The following FIP1L1 variants were observed in gnomAD, a reference collection of about 807,000 sequenced individuals.
FIP1L1 encodes the protein factor interacting with PAPOLA and CPSF1, also known as pre-mRNA 3'-end-processing factor FIP1.
A neutral mutation model predicts 84.6 loss-of-function variants in FIP1L1; 21 were observed. That is an observed-to-expected ratio of 0.25 (90% CI 0.18 to 0.36). FIP1L1 has a LOEUF of 0.36. Ranked by LOEUF, FIP1L1 falls within the 10% of genes least tolerant of loss-of-function variation. FIP1L1 has a pLI of 1.00. For missense variants in FIP1L1, 526 were observed against 751.1 expected, an observed-to-expected ratio of 0.70 and a Z score of 3.50; for synonymous variants, 263 against 242.3, an observed-to-expected ratio of 1.09 and a Z score of -0.80.
At chr4:53,458,461 G>A in intron 16 of FIP1L1, 192 bp from the exon 17 acceptor site, 1 of 448,258 alleles carries the variant, frequency 2.2e-6, no homozygotes, top group Admixed American at 3.8e-5. Context: ...TATATTCTTA[G>A]CTCTAGTGCT....
At chr4:53,447,040 A>G (rs1774499070) in intron 15 of FIP1L1, among the ~76,000 whole-genome samples, 1 of 152,096 alleles carries the variant, frequency 6.6e-6, no homozygotes, top group African/African-American at 2.4e-5. Flanking sequence ...GAAAGTTAGA[A>G]GTTTCCTAGT....
At chr4:53,438,454 G>A (rs1242171668) in intron 13 of FIP1L1, among the ~76,000 whole-genome samples, 2 of 152,120 alleles carry the variant, frequency 1.3e-5, no homozygotes, top group East Asian at 3.8e-4. Context: ...GTTATATAGT[G>A]TTTCATCAAC....
chr4:53,391,435 A>G lies in FIP1L1; in HGVS notation c.642A>G (p.Glu214=). 1 of 1,612,696 alleles carries G rather than the reference A, an allele frequency of 6.2e-7. No homozygotes were observed. Among genetic ancestry groups the G allele is most frequent in the Non-Finnish European group, 8.5e-7 (1 of 1,178,806 alleles). Residue 214 remains glutamate (E), a synonymous_variant, in exon 9 of 18, where the codon GAA becomes GAG. Coordinates refer to ENST00000337488, the MANE Select transcript of FIP1L1 (RefSeq NM_030917.4). ...VTSTTNKITA[E]DCTMEVTPGA... Reference sequence around the variant, plus strand: ...GAATATGTTATTTAACTTAGGCCGAAGACTGTACTATGGAAGTTACACCAG... The same window carrying G: ...GAATATGTTATTTAACTTAGGCCGAGGACTGTACTATGGAAGTTACACCAG...
At chr4:53,433,087 G>A (rs1284216865) in intron 13 of FIP1L1, among the ~76,000 whole-genome samples, 1 of 152,168 alleles carries the variant, frequency 6.6e-6, no homozygotes. Flanking sequence ...TGTAAAACTG[G>A]AAGTATTAAT....
chr4:53,409,942 C>CT (rs1313165930), intron 10 of FIP1L1, among the ~76,000 whole-genome samples: 1 of 152,262 alleles, frequency 6.6e-6, no homozygotes, highest in Non-Finnish European at 1.5e-5. Flanking sequence ...CTTGCGCTTC[C>CT]TGAGTGAGGC....
At chr4:53,432,438 T>C (rs552545658) in intron 13 of FIP1L1, among the ~76,000 whole-genome samples, 11 of 136,170 alleles carry the variant, frequency 8.1e-5, no homozygotes, top group African/African-American at 2.7e-4. Flanking sequence ...AGAAAACAAA[T>C]ACTGGCTAAT....
intron 5 of FIP1L1, among the ~76,000 whole-genome samples, chr4:53,386,525 C>T (rs977081975): frequency 5.9e-5 from 9 of 152,060 alleles, no homozygotes; most frequent in South Asian, 2.1e-4. Context: ...CAAAGTGATT[C>T]GAAAGGTTTG....
chr4:53,378,797 T>C (rs964218483), intron 1 of FIP1L1: 4 of 445,526 alleles, frequency 9.0e-6, no homozygotes, highest in African/African-American at 4.0e-5. Flanking sequence ...GTCTTTAGAA[T>C]AGAATAGTAA....
chr4:53,397,408 G>A (rs1252081429), intron 9 of FIP1L1, among the ~76,000 whole-genome samples: 3 of 152,168 alleles, frequency 2.0e-5, no homozygotes, highest in Admixed American at 6.5e-5. Context: ...CAAAAACACC[G>A]TTTTTATTCT....
intron 10 of FIP1L1, among the ~76,000 whole-genome samples, chr4:53,400,246 A>G (rs1749537735): frequency 6.6e-6 from 1 of 152,228 alleles, no homozygotes; most frequent in Non-Finnish European, 1.5e-5. Flanking sequence ...GAAAGAGGCT[A>G]TTGAAATTTC....
chr4:53,400,906 C>T (rs1749889795), intron 10 of FIP1L1, among the ~76,000 whole-genome samples: 1 of 152,122 alleles, frequency 6.6e-6, no homozygotes, highest in Admixed American at 6.5e-5. Flanking sequence ...TTGGCTTATA[C>T]ATTTTTTAAG....
intron 17 of FIP1L1, 74 bp from the exon 18 acceptor site, chr4:53,459,228 T>A (rs1477662966): frequency 1.8e-5 from 19 of 1,051,434 alleles, no homozygotes; most frequent in Non-Finnish European, 2.2e-5. Context: ...AGAATTTCCT[T>A]AGAGTGATTG....
Position 53,377,936 on chromosome 4 carries a change from C to G in FIP1L1, c.85+13C>G. On this transcript the variant is annotated intron_variant, in intron 1 of 17. Coordinates refer to ENST00000337488, the MANE Select transcript of FIP1L1 (RefSeq NM_030917.4). ...TGGCTCTATGGCGGTACGAAACTTC[C>G]TGTCTCTGTCTCTCGGGTTCTCTCA... is the stretch of plus-strand genomic sequence containing the variant. The G allele has an allele frequency of 3.2e-6, 5 of 1,568,542 alleles. No homozygotes were observed. The highest frequency in any genetic ancestry group is 4.3e-6 in the Non-Finnish European group (5 of 1,155,940).
chr4:53,458,534 T>C (rs1720710150), intron 16 of FIP1L1, 119 bp from the exon 17 acceptor site: 5 of 906,512 alleles, frequency 5.5e-6, no homozygotes, highest in Middle Eastern at 2.3e-4. Flanking sequence ...ACTAATGTTA[T>C]AAAAGATGCT....
At chr4:53,448,784 A>T (rs1216422358) in intron 15 of FIP1L1, among the ~76,000 whole-genome samples, 1 of 152,082 alleles carries the variant, frequency 6.6e-6, no homozygotes, top group Non-Finnish European at 1.5e-5. Context: ...GTGATCAAGG[A>T]CTTTCTCTCC....
chr4:53,382,369 C>G (rs764724738), intron 4 of FIP1L1, 34 bp downstream of exon 4: 18 of 1,543,474 alleles, frequency 1.2e-5, no homozygotes, highest in East Asian at 2.2e-5. Flanking sequence ...GTTACTGATA[C>G]AAATCTTTAT....
At chr4:53,446,235 CT>C (rs1774154196) in intron 15 of FIP1L1, among the ~76,000 whole-genome samples, 1 of 151,732 alleles carries the variant, frequency 6.6e-6, no homozygotes, top group African/African-American at 2.4e-5. Context: ...AGTCATAGTC[CT>C]TGGGTTGTAA....
At chr4:53,407,140 G>A (rs1754036864) in intron 10 of FIP1L1, among the ~76,000 whole-genome samples, 1 of 151,702 alleles carries the variant, frequency 6.6e-6, no homozygotes, top group African/African-American at 2.4e-5. Context: ...TTCTCTTGTG[G>A]GCATTCAGTG....
chr4:53,423,463 A>C (rs112019719), intron 11 of FIP1L1, among the ~76,000 whole-genome samples: 1 of 152,242 alleles, frequency 6.6e-6, no homozygotes, highest in Non-Finnish European at 1.5e-5. Flanking sequence ...AAAGCTGTCC[A>C]TTAAGAACTT....
Sources: allele counts gnomAD v4.1 joint callset (sites outside exome capture counted in the v4.1 genomes callset), GRCh38; gene constraint gnomAD v4.1.1; transcripts MANE v1.5; gene names NCBI Gene and HGNC (gene_info 2026-07-23, HGNC 2026-07-21).